The following NELL1 variants were observed in gnomAD, a reference collection of about 807,000 sequenced individuals.
NELL1 encodes neural EGFL like 1, also known as protein kinase C-binding protein NELL1.
Under a neutral mutation model 107.4 loss-of-function variants are expected in NELL1, and 76 were observed. That is an observed-to-expected ratio of 0.71 (90% confidence interval 0.59 to 0.86). NELL1 has a LOEUF of 0.86. NELL1 is among the 40% of genes least tolerant of loss of function. The pLI, the probability that NELL1 is intolerant of heterozygous loss-of-function variation, is 0.00. For synonymous variants in NELL1, 353 were observed against 341.2 expected (o/e 1.03, Z -0.38); for missense variants, 1,024 against 1,005.5 (o/e 1.02, Z -0.25).
chr11:21,253,480 T>G (rs78529657), intron 14 of NELL1, among the ~76,000 whole-genome samples: 1 of 152,090 alleles, frequency 6.6e-6, no homozygotes, highest in Non-Finnish European at 1.5e-5. Context: ...GAAACTGGGA[T>G]TAAAGAAGGG....
intron 14 of NELL1, among the ~76,000 whole-genome samples, chr11:21,231,162 A>G (rs1045589514): frequency 1.3e-5 from 2 of 152,164 alleles, no homozygotes; most frequent in African/African-American, 4.8e-5. Context: ...TTTTTGAGAA[A>G]AAATAAAATA....
rs535744822 is a variant in NELL1, at chr11:21,041,645, T to G, written c.1301-71944T>G. On this transcript the variant is annotated intron_variant, in intron 12 of 19. Coordinates refer to ENST00000357134, the MANE Select transcript of NELL1 (RefSeq NM_006157.5). The stretch of plus-strand genomic sequence containing the variant: ...ATTCAAAAATTCAAGGTTTTTATAC[T>G]AGACCATTATTCACAAAGTTTTAAA... 5.9e-5 allele frequency among the ~76,000 whole-genome samples: 9 copies of G among 152,316 alleles called. No individual in the cohort carries two copies. The South Asian group carries it at 1.7e-3, about 28-fold the overall frequency.
chr11:21,058,705 T>C (rs775647151), intron 12 of NELL1, among the ~76,000 whole-genome samples: 1 of 152,120 alleles, frequency 6.6e-6, no homozygotes, highest in Non-Finnish European at 1.5e-5. Flanking sequence ...GGGGGAGATA[T>C]AATTAACTGA....
chr11:21,306,650 T>C (rs941929919), intron 14 of NELL1, among the ~76,000 whole-genome samples: 2 of 152,046 alleles, frequency 1.3e-5, no homozygotes, highest in African/African-American at 4.8e-5. Flanking sequence ...TCTCATCAAC[T>C]TCACCTAATA....
At chr11:21,362,532 T>C (rs996886665) in intron 14 of NELL1, among the ~76,000 whole-genome samples, 11 of 152,162 alleles carry the variant, frequency 7.2e-5, no homozygotes, top group African/African-American at 2.7e-4. Flanking sequence ...GCCAAGATGT[T>C]GTGGGCATTG....
At chr11:20,931,895 C>T (rs1170835860) in intron 9 of NELL1, among the ~76,000 whole-genome samples, 1 of 86,488 alleles carries the variant, frequency 1.2e-5, no homozygotes, top group Non-Finnish European at 3.1e-5. Flanking sequence ...ATTCTAGGGA[C>T]ACCAGGTAAA....
chr11:21,500,262 A>G (rs149338565), intron 15 of NELL1, among the ~76,000 whole-genome samples: 1,607 of 152,194 alleles, frequency 0.011, 9 homozygotes, highest in Middle Eastern at 0.02. Flanking sequence ...AACACTTCAT[A>G]GAATTAGGAA....
At chr11:20,697,890 C>G (rs1375247510) in intron 2 of NELL1, among the ~76,000 whole-genome samples, 1 of 152,088 alleles carries the variant, frequency 6.6e-6, no homozygotes, top group Non-Finnish European at 1.5e-5. Flanking sequence ...CAAAACCGTG[C>G]TTGAGGTTTG....
At chr11:20,885,676 C>T (rs1849495458) in intron 5 of NELL1, 136 bp downstream of exon 5, 1 of 617,968 alleles carries the variant, frequency 1.6e-6, no homozygotes, top group Admixed American at 2.6e-5. Flanking sequence ...TTATTGAACA[C>T]TTACTTTGTG....
chr11:20,727,481 T>C (rs542030238), intron 2 of NELL1, among the ~76,000 whole-genome samples: 13 of 152,354 alleles, frequency 8.5e-5, no homozygotes, highest in African/African-American at 3.1e-4. Context: ...GCGTTCATTG[T>C]AGATTCTGGA....
chr11:21,222,509 G>C (rs1486751529), intron 13 of NELL1, among the ~76,000 whole-genome samples: 1 of 151,744 alleles, frequency 6.6e-6, no homozygotes, highest in African/African-American at 2.4e-5. Context: ...CTTTTGTATT[G>C]TTTAAGTCTC....
At chr11:21,355,191 C>T (rs879166949) in intron 14 of NELL1, among the ~76,000 whole-genome samples, 1 of 152,132 alleles carries the variant, frequency 6.6e-6, no homozygotes, top group Non-Finnish European at 1.5e-5. Flanking sequence ...CCATCATTTT[C>T]CTTGCTGTTG....
At chr11:21,158,054 C>T (rs1288946765) in intron 13 of NELL1, among the ~76,000 whole-genome samples, 2 of 152,120 alleles carry the variant, frequency 1.3e-5, no homozygotes, top group East Asian at 3.9e-4. Flanking sequence ...AGGATAAAAG[C>T]AGGCAGAGGA....
At chr11:21,317,303 C>A (rs977117976) in intron 14 of NELL1, among the ~76,000 whole-genome samples, 5 of 151,612 alleles carry the variant, frequency 3.3e-5, no homozygotes, top group African/African-American at 1.2e-4. Flanking sequence ...GTTTATTTCT[C>A]CTTCCACTTA....
chr11:20,850,668 T>G (rs1848779297), intron 4 of NELL1, among the ~76,000 whole-genome samples: 1 of 152,198 alleles, frequency 6.6e-6, no homozygotes, highest in Non-Finnish European at 1.5e-5. Context: ...AGGCCAAGAT[T>G]CAATGTGAGC....
At position 21,094,384 on chromosome 11, in the gene NELL1, C is replaced by T. The variant is rs182420712; in HGVS notation, c.1301-19205C>T. ...TGAGTGTCTGCATCTTTTCCAGGCA[C>T]ATAGTGCAAGCTGTTGGTGGATCTA... On this transcript the variant is annotated intron_variant, in intron 12 of 19. Transcript: ENST00000357134. Among the ~76,000 whole-genome samples the T allele has an allele frequency of 2.5e-3, 381 of 152,322 alleles. 1 individual carries two copies. Among genetic ancestry groups the T allele is most frequent in the Middle Eastern group, 6.8e-3 (2 of 294 alleles).
intron 12 of NELL1, among the ~76,000 whole-genome samples, chr11:21,108,086 A>G (rs569645066): frequency 1.3e-5 from 2 of 152,268 alleles, no homozygotes; most frequent in East Asian, 3.9e-4. Flanking sequence ...TGTTCTCAAG[A>G]GCTGTTGATC....
intron 2 of NELL1, among the ~76,000 whole-genome samples, chr11:20,699,762 T>C (rs1277528756): frequency 1.3e-5 from 2 of 152,238 alleles, no homozygotes; most frequent in Admixed American, 1.3e-4. Context: ...CAAGTTTCTT[T>C]TTTATATAAT....
At chr11:20,779,310 C>A (rs1304003471) in intron 2 of NELL1, among the ~76,000 whole-genome samples, 4 of 152,172 alleles carry the variant, frequency 2.6e-5, no homozygotes, top group African/African-American at 4.8e-5. Context: ...TCCCATTGTA[C>A]TTGTAAGTAA....
Sources: allele counts gnomAD v4.1 joint callset (sites outside exome capture counted in the v4.1 genomes callset), GRCh38; gene constraint gnomAD v4.1.1; transcripts MANE v1.5; gene names NCBI Gene and HGNC (gene_info 2026-07-23, HGNC 2026-07-21).